ACTR3C: variants seen among roughly 807,000 people sequenced by gnomAD.
ACTR3C encodes the protein actin-related protein 3C.
Under a neutral mutation model 26.3 loss-of-function variants are expected in ACTR3C, and 18 were observed. The observed-to-expected ratio is 0.68, with a 90% CI of 0.47 to 1.01. The LOEUF (loss-of-function observed/expected upper bound fraction) is 1.01, where lower values mean the gene tolerates loss of function less well. Among genes scored for constraint, ACTR3C ranks in the 50% least tolerant of loss-of-function variants. The pLI is 0.00. For synonymous variants in ACTR3C, 55 were observed against 94.5 expected, an observed-to-expected ratio of 0.58 and a Z score of 2.42; for missense variants, 184 against 250.7, an observed-to-expected ratio of 0.73 and a Z score of 1.80.
the ACTR3C span, among the ~76,000 whole-genome samples, chr7:150,213,180 A>T: frequency 0.024 from 3,642 of 152,200 alleles, 53 homozygotes; most frequent in South Asian, 0.039. Flanking sequence ...ATGAGTTATT[A>T]AAAAAAATTC....
chr7:150,187,010 G>T, the ACTR3C span, among the ~76,000 whole-genome samples: 1 of 152,024 alleles, frequency 6.6e-6, no homozygotes, highest in Non-Finnish European at 1.5e-5. Flanking sequence ...CTGATTTCAA[G>T]AAGATTGAAT....
chr7:149,907,478 T>TTCTCTCTCTCTCTCTCTCTC, the ACTR3C span, among the ~76,000 whole-genome samples: 9 of 97,676 alleles, frequency 9.2e-5, no homozygotes, highest in African/African-American at 2.5e-4. Context: ...CTCTCTTCTC[T>TTCTCTCTCTCTCTCTCTCTC]TCTCTCTCTC....
chr7:150,309,322 T>C (rs1796080485), intron 1 of ACTR3C, among the ~76,000 whole-genome samples: 1 of 152,212 alleles, frequency 6.6e-6, no homozygotes, highest in Admixed American at 6.5e-5. Context: ...CCCTAGACCC[T>C]CGAGGGCCAG....
chr7:150,011,996 C>G, the ACTR3C span, among the ~76,000 whole-genome samples: 5,594 of 152,176 alleles, frequency 0.037, 282 homozygotes, highest in East Asian at 0.24. Flanking sequence ...GTTTTCAGTT[C>G]AGATGAGGTA....
the ACTR3C span, among the ~76,000 whole-genome samples, chr7:150,151,380 T>G: frequency 2.9e-5 from 4 of 138,104 alleles, no homozygotes; most frequent in African/African-American, 1.0e-4. Flanking sequence ...TTAATTTATA[T>G]TAATTTATTT....
At chr7:149,981,128 G>A in the ACTR3C span, among the ~76,000 whole-genome samples, 6 of 152,080 alleles carry the variant, frequency 3.9e-5, no homozygotes, top group Non-Finnish European at 8.8e-5. Flanking sequence ...CCAACCAAAT[G>A]TGAAGAATCC....
chr7:150,317,251 T>C (rs1423931451), intron 1 of ACTR3C, among the ~76,000 whole-genome samples: 1 of 152,198 alleles, frequency 6.6e-6, no homozygotes, highest in East Asian at 1.9e-4. Flanking sequence ...GGTTTCTCCA[T>C]GTTGGCCAGG....
At chr7:150,203,000 G>C in the ACTR3C span, among the ~76,000 whole-genome samples, 976 of 152,314 alleles carry the variant, frequency 6.4e-3, 9 homozygotes, top group African/African-American at 0.022. Flanking sequence ...GAAATGAAAG[G>C]CTTCTACTGA....
chr7:150,127,485 A>G, the ACTR3C span, among the ~76,000 whole-genome samples: 3 of 151,822 alleles, frequency 2.0e-5, no homozygotes, highest in Admixed American at 6.6e-5. Flanking sequence ...GACTTCCATC[A>G]GCTCTGAGCG....
the ACTR3C span, among the ~76,000 whole-genome samples, chr7:150,036,177 G>GGGT: frequency 7.2e-6 from 1 of 139,858 alleles, no homozygotes; most frequent in Non-Finnish European, 1.6e-5. Flanking sequence ...CCCGCGATGG[G>GGGT]AGTCCCAAGA....
intron 1 of ACTR3C, among the ~76,000 whole-genome samples, chr7:150,308,730 C>A (rs1287110496): frequency 6.6e-6 from 1 of 152,098 alleles, no homozygotes; most frequent in Non-Finnish European, 1.5e-5. Context: ...ATTCTTCTAT[C>A]ACCTCCCCTC....
chr7:150,207,591 C>T, the ACTR3C span, among the ~76,000 whole-genome samples: 5 of 151,542 alleles, frequency 3.3e-5, no homozygotes, highest in Middle Eastern at 3.4e-3. Context: ...ACACACGTAA[C>T]TGTGTAGCAC....
chr7:150,119,316 C>A, the ACTR3C span, among the ~76,000 whole-genome samples: 18 of 152,252 alleles, frequency 1.2e-4, no homozygotes, highest in East Asian at 3.5e-3. Context: ...AGTCAAGACC[C>A]ATTGGTATGC....
At chr7:150,263,003 C>T (rs115014844) in intron 6 of ACTR3C, among the ~76,000 whole-genome samples, 6,578 of 152,100 alleles carry the variant, frequency 0.043, 326 homozygotes, top group African/African-American at 0.15. Context: ...GACTTCCTAG[C>T]GGGTGTGGTA....
At chr7:150,134,041 A>T in the ACTR3C span, among the ~76,000 whole-genome samples, 1 of 152,112 alleles carries the variant, frequency 6.6e-6, no homozygotes, top group Non-Finnish European at 1.5e-5. Flanking sequence ...AAGCCTGGCC[A>T]AGAGATTTCT....
the ACTR3C span, among the ~76,000 whole-genome samples, chr7:150,048,584 C>T: frequency 1.7e-4 from 26 of 151,918 alleles, no homozygotes; most frequent in Non-Finnish European, 3.5e-4. Context: ...CAAGGGGATG[C>T]GGAGGTCGAG....
At chr7:149,944,839 A>G in the ACTR3C span, among the ~76,000 whole-genome samples, 2 of 151,374 alleles carry the variant, frequency 1.3e-5, no homozygotes, top group Admixed American at 1.3e-4. Context: ...GGCATAAAAG[A>G]GTCCAACAGT....
At chr7:150,309,703 G>A (rs1046870359) in intron 1 of ACTR3C, among the ~76,000 whole-genome samples, 10 of 152,108 alleles carry the variant, frequency 6.6e-5, no homozygotes, top group Non-Finnish European at 1.5e-4. Context: ...CCACCTGTGC[G>A]GGACCCCACT....
the ACTR3C span, among the ~76,000 whole-genome samples, chr7:149,907,480 C>CT: frequency 8.3e-6 from 1 of 120,502 alleles, no homozygotes; most frequent in East Asian, 3.0e-4. Flanking sequence ...CTCTTCTCTT[C>CT]TCTCTCTCTC....
Sources: gnomAD v4.1 joint callset for allele counts (sites outside exome capture counted in the v4.1 genomes callset) on GRCh38, gnomAD v4.1.1 for gene constraint, MANE v1.5 for transcripts, NCBI Gene and HGNC (gene_info 2026-07-23, HGNC 2026-07-21) for gene names.